The following CCDC192 variants were observed in gnomAD, a reference collection of about 807,000 sequenced individuals.
CCDC192 encodes the protein coiled-coil domain-containing protein 192.
chr5:127,774,421 T>A (rs1439453920), intron 3 of CCDC192, among the ~76,000 whole-genome samples: 1 of 152,226 alleles, frequency 6.6e-6, no homozygotes, highest in Non-Finnish European at 1.5e-5. Flanking sequence ...TTTAACATCA[T>A]TTTTGTTTAT....
chr5:127,759,576 A>G (rs1754798325), intron 3 of CCDC192, among the ~76,000 whole-genome samples: 1 of 152,184 alleles, frequency 6.6e-6, no homozygotes, highest in Non-Finnish European at 1.5e-5. Flanking sequence ...CATTGTTTAT[A>G]TGCTAGCCAG....
intron 3 of CCDC192, among the ~76,000 whole-genome samples, chr5:127,766,661 C>T (rs888436263): frequency 7.5e-5 from 11 of 146,542 alleles, no homozygotes; most frequent in African/African-American, 2.0e-4. Flanking sequence ...TTCACTTACT[C>T]GAACTACCTC....
intron 3 of CCDC192, among the ~76,000 whole-genome samples, chr5:127,779,199 G>C (rs919003895): frequency 4.6e-5 from 7 of 152,004 alleles, no homozygotes; most frequent in Non-Finnish European, 1.0e-4. Context: ...GGCATTTTCA[G>C]CTATAAACTT....
chr5:127,726,988 C>T (rs935647027), intron 2 of CCDC192, among the ~76,000 whole-genome samples: 3 of 152,334 alleles, frequency 2.0e-5, no homozygotes, highest in African/African-American at 7.2e-5. Context: ...TATACAGGAG[C>T]ATTCCTGCTG....
chr5:127,899,061 A>G (rs1019383857), intron 6 of CCDC192, among the ~76,000 whole-genome samples: 5 of 152,198 alleles, frequency 3.3e-5, no homozygotes, highest in South Asian at 2.1e-4. Flanking sequence ...GGAATGACTC[A>G]CAGACACATT....
chr5:127,786,422 C>T, intron 3 of CCDC192: 1 of 622,990 alleles, frequency 1.6e-6, no homozygotes, highest in Admixed American at 2.5e-5. Flanking sequence ...CCTTCAGCTC[C>T]AATTCCATGT....
intron 5 of CCDC192, among the ~76,000 whole-genome samples, chr5:127,843,175 C>T (rs1055402842): frequency 2.7e-5 from 4 of 150,770 alleles, no homozygotes; most frequent in Non-Finnish European, 1.5e-5. Flanking sequence ...GCTGGGATTA[C>T]AGGTGCCCGC....
rs536570631 is a variant in CCDC192, at chr5:127,715,888, C to T, written c.114+8128C>T. ...TTTGCAGTTTGAAGGCCCTGTATTT[C>T]TTTCTACTGCCTAATTGTTTTGACT... On this transcript the variant is annotated intron_variant, in intron 2 of 6. Transcript: ENST00000514853. Among the ~76,000 whole-genome samples the T allele has an allele frequency of 2.9e-4, 44 of 152,236 alleles. 1 individual carries two copies. Among genetic ancestry groups the T allele is most frequent in the Non-Finnish European group, 2.9e-4 (20 of 67,984 alleles).
intron 2 of CCDC192, among the ~76,000 whole-genome samples, chr5:127,751,979 C>T (rs1341614225): frequency 3.3e-5 from 5 of 151,942 alleles, no homozygotes; most frequent in South Asian, 2.1e-4. Context: ...CTCCTTTAAG[C>T]ACTTCTCTGT....
At chr5:127,766,459 A>G (rs1755229185) in intron 3 of CCDC192, among the ~76,000 whole-genome samples, 1 of 152,060 alleles carries the variant, frequency 6.6e-6, no homozygotes, top group Non-Finnish European at 1.5e-5. Flanking sequence ...CCTAATATAA[A>G]TAAGGGAGCA....
At chr5:127,704,883 AAATC>A (rs889080927) in intron 1 of CCDC192, among the ~76,000 whole-genome samples, 35 of 133,692 alleles carry the variant, frequency 2.6e-4, no homozygotes, top group Middle Eastern at 7.6e-3. Flanking sequence ...ATAAATAAAT[AAATC>A]ATTTATTCAC....
intron 2 of CCDC192, among the ~76,000 whole-genome samples, chr5:127,713,955 T>C (rs1415309657): frequency 6.6e-6 from 1 of 152,210 alleles, no homozygotes; most frequent in Non-Finnish European, 1.5e-5. Context: ...ATTCCTCCTA[T>C]CTAGCTATAA....
At chr5:127,835,818 C>T (rs1750009567) in intron 5 of CCDC192, among the ~76,000 whole-genome samples, 1 of 152,104 alleles carries the variant, frequency 6.6e-6, no homozygotes, top group Non-Finnish European at 1.5e-5. Context: ...CACCTCCCAC[C>T]AGGTCTCTTC....
At chr5:127,930,134 C>T (rs1443365672) in intron 6 of CCDC192, among the ~76,000 whole-genome samples, 1 of 152,150 alleles carries the variant, frequency 6.6e-6, no homozygotes, top group African/African-American at 2.4e-5. Context: ...TCCCTGGAGG[C>T]GGAGGTTACA....
intron 2 of CCDC192, among the ~76,000 whole-genome samples, chr5:127,713,107 G>A (rs1173239360): frequency 2.0e-5 from 3 of 152,070 alleles, no homozygotes; most frequent in African/African-American, 4.8e-5. Context: ...GGTGGTGCAT[G>A]CCTGTAATCC....
At chr5:127,721,117 G>A (rs1330164782) in intron 2 of CCDC192, among the ~76,000 whole-genome samples, 2 of 152,142 alleles carry the variant, frequency 1.3e-5, no homozygotes, top group African/African-American at 4.8e-5. Flanking sequence ...CCGGAAAACG[G>A]GTTTTTCTTT....
At chr5:127,737,829 C>T (rs984023887) in intron 2 of CCDC192, among the ~76,000 whole-genome samples, 9 of 152,072 alleles carry the variant, frequency 5.9e-5, no homozygotes, top group Non-Finnish European at 1.3e-4. Flanking sequence ...TGTGACTCTG[C>T]ACGTGAGATG....
At chr5:127,799,321 C>G (rs557112712) in intron 5 of CCDC192, among the ~76,000 whole-genome samples, 1 of 152,286 alleles carries the variant, frequency 6.6e-6, no homozygotes, top group South Asian at 2.1e-4. Context: ...GTTAGCAGAG[C>G]TTTTAACTCT....
chr5:127,705,122 T>C (rs1160536714), intron 1 of CCDC192, among the ~76,000 whole-genome samples: 1 of 152,194 alleles, frequency 6.6e-6, no homozygotes, highest in Non-Finnish European at 1.5e-5. Flanking sequence ...ACAAACTTTA[T>C]AAACATATTT....
Sources: gnomAD v4.1 joint callset for allele counts (sites outside exome capture counted in the v4.1 genomes callset) on GRCh38, gnomAD v4.1.1 for gene constraint, MANE v1.5 for transcripts, NCBI Gene and HGNC (gene_info 2026-07-23, HGNC 2026-07-21) for gene names.